The following ARNT2 variants were observed in gnomAD, a reference collection of about 807,000 sequenced individuals.
ARNT2 encodes aryl hydrocarbon receptor nuclear translocator 2.
In ARNT2, 36 loss-of-function variants were observed where a neutral mutation model predicts 91.7. The ratio of observed to expected loss-of-function variants is 0.39; its 90% CI spans 0.30 to 0.52. The LOEUF (loss-of-function observed/expected upper bound fraction) is 0.52, where lower values mean the gene tolerates loss of function less well. Among genes scored for constraint, ARNT2 ranks in the 20% least tolerant of loss-of-function variants. The pLI is 0.72. For synonymous variants in ARNT2, 365 were observed against 347.1 expected (o/e 1.05, Z -0.57); for missense variants, 775 against 939.3 (o/e 0.83, Z 2.29).
rs188921302 is a variant in ARNT2 at position 80,584,572 on chromosome 15, G to A, written c.1918+3168G>A. Among the ~76,000 whole-genome samples the A allele has an allele frequency of 2.0e-3, 306 of 152,336 alleles. 2 individuals are homozygous for A. Among genetic ancestry groups the A allele is most frequent in the African/African-American group, 7.0e-3 (293 of 41,572 alleles). ...AATCGGTGAGTGGAGAAGGAACAGAGCAGTCTGCCCCATTAATGGTCAGTT... is the reference window on the plus strand; with the variant it reads ...AATCGGTGAGTGGAGAAGGAACAGAACAGTCTGCCCCATTAATGGTCAGTT... On this transcript the variant is annotated intron_variant, in intron 17 of 18. Transcript: ENST00000303329.
chr15:80,487,403 G>A (rs113082303), intron 5 of ARNT2, among the ~76,000 whole-genome samples: 54 of 152,330 alleles, frequency 3.5e-4, no homozygotes, highest in East Asian at 1.2e-3. Context: ...GATGGGGCGC[G>A]TGGAGGGGTC....
In ARNT2 at chr15:80,593,911, T is replaced by G; in HGVS notation, c.*213T>G. The stretch of plus-strand genomic sequence containing the variant: ...ACTGACCAGGGGCCCTGGCAGACAT[T>G]AGGGGATCAGTTGTATTTATTGTAT... On this transcript the variant is annotated 3_prime_UTR_variant, in exon 19 of 19. Coordinates refer to ENST00000303329, the MANE Select transcript of ARNT2 (RefSeq NM_014862.4). 1 of 566,508 alleles carries G rather than the reference T, an allele frequency of 1.8e-6. No individual in the cohort carries two copies. 35.1% of individuals were successfully genotyped at this position (566,508 alleles called of 1,614,324 possible).
chr15:80,520,605 A>C (rs892537167), intron 8 of ARNT2, among the ~76,000 whole-genome samples: 3 of 152,314 alleles, frequency 2.0e-5, no homozygotes, highest in Admixed American at 1.3e-4. Flanking sequence ...ACAGACATAC[A>C]AAAGGAAACT....
chr15:80,404,611 ACCAGGCGCGCCGGGCGCC>A lies in ARNT2; in HGVS notation c.31+68_31+85del. 9.9e-7 allele frequency: 1 copy of A among 1,005,128 alleles called. No homozygotes were observed. 62.3% of individuals were successfully genotyped at this position (1,005,128 alleles called of 1,614,324 possible). A position where few individuals can be genotyped will look rare whatever the true frequency, so the allele number is the denominator to read the frequency against. ...CAGGCCTTGCCCGGGGCCGGAGCGG[ACCAGGCGCGCCGGGCGCC>A]CCCGGGGGCGCGGAGCCGCAGCTCG... is the stretch of plus-strand genomic sequence containing the variant. On this transcript the variant is annotated intron_variant, in intron 1 of 18. Transcript: ENST00000303329. This position sits in a 1 kb window ranked among gnomAD's most constrained non-coding sequence, Gnocchi z 5.5.
At chr15:80,448,357 A>G (rs1273072765) in intron 1 of ARNT2, among the ~76,000 whole-genome samples, 3 of 152,236 alleles carry the variant, frequency 2.0e-5, no homozygotes, top group Admixed American at 2.0e-4. Context: ...CTAGACATGA[A>G]ATCAGACAAG....
intron 1 of ARNT2, among the ~76,000 whole-genome samples, chr15:80,410,603 A>G (rs775551421): frequency 6.6e-6 from 1 of 152,156 alleles, no homozygotes; most frequent in Non-Finnish European, 1.5e-5. Flanking sequence ...AAGTTAGTTC[A>G]CAGAACATAG....
At chr15:80,405,113 G>T (rs905902576) in intron 1 of ARNT2, among the ~76,000 whole-genome samples, 20 of 152,302 alleles carry the variant, frequency 1.3e-4, no homozygotes, top group African/African-American at 4.8e-4. Flanking sequence ...GGTCACCAGC[G>T]TGGAGCAGCC....
At chr15:80,454,020 A>G (rs568673414) in intron 2 of ARNT2, among the ~76,000 whole-genome samples, 1 of 152,288 alleles carries the variant, frequency 6.6e-6, no homozygotes, top group Non-Finnish European at 1.5e-5. Flanking sequence ...CGGGCCTAGC[A>G]CTGTGGATCT....
chr15:80,564,700 T>G (rs1365614950), intron 12 of ARNT2, among the ~76,000 whole-genome samples: 1 of 124,306 alleles, frequency 8.0e-6, no homozygotes, highest in Admixed American at 9.3e-5. Context: ...TCTCTAGTAG[T>G]CCTCCCAGTG....
chr15:80,446,705 T>A (rs1567181766), intron 1 of ARNT2, among the ~76,000 whole-genome samples: 1 of 152,234 alleles, frequency 6.6e-6, no homozygotes, highest in Non-Finnish European at 1.5e-5. Context: ...ATAGGGTGGA[T>A]GTAAAGCTTG....
chr15:80,468,206 AT>A (rs1481199373), intron 3 of ARNT2, among the ~76,000 whole-genome samples: 2 of 151,812 alleles, frequency 1.3e-5, no homozygotes, highest in East Asian at 3.9e-4. Context: ...CTGCAGAGTT[AT>A]CCTTTGTGGG....
At chr15:80,581,093 G>T (rs1433179285) in intron 16 of ARNT2, 146 bp from the exon 17 acceptor site, 1 of 978,530 alleles carries the variant, frequency 1.0e-6, no homozygotes, top group Admixed American at 2.3e-5. Flanking sequence ...CTGATCCCAG[G>T]CCTGTGCCTA....
chr15:80,540,913 T>C (rs1897894670), intron 8 of ARNT2, among the ~76,000 whole-genome samples: 1 of 152,160 alleles, frequency 6.6e-6, no homozygotes, highest in African/African-American at 2.4e-5. Context: ...GGCACCTAGA[T>C]TGATTTTATG....
chr15:80,531,956 C>T lies in ARNT2; in HGVS notation c.877+17551C>T, dbSNP rs987848315. The stretch of plus-strand genomic sequence containing the variant: ...AGGACGCCTGCAGCAGGACAGAGCT[C>T]AGCCACAGAAGAAGCCAGCTCGGCA... On this transcript the variant is annotated intron_variant, in intron 8 of 18. Coordinates refer to ENST00000303329, the MANE Select transcript of ARNT2 (RefSeq NM_014862.4). Among the ~76,000 whole-genome samples, 9 of 152,172 alleles carry T rather than the reference C, an allele frequency of 5.9e-5. 1 individual carries two copies. The highest frequency in any genetic ancestry group is 2.6e-4 in the Admixed American group (4 of 15,284).
chr15:80,539,424 A>C (rs188498938), intron 8 of ARNT2, among the ~76,000 whole-genome samples: 1 of 152,282 alleles, frequency 6.6e-6, no homozygotes, highest in Admixed American at 6.5e-5. Context: ...TATCTTTGTA[A>C]ACTAATAATA....
At chr15:80,533,672 T>C (rs1897777440) in intron 8 of ARNT2, among the ~76,000 whole-genome samples, 2 of 152,240 alleles carry the variant, frequency 1.3e-5, no homozygotes, top group Admixed American at 6.5e-5. Context: ...ACAATGAAAT[T>C]CCACAGCTAA....
In ARNT2 at chr15:80,591,773, C is replaced by T; in HGVS notation, c.2055+69C>T. On this transcript the variant is annotated intron_variant, in intron 18 of 18. Coordinates refer to ENST00000303329, the MANE Select transcript of ARNT2 (RefSeq NM_014862.4). This position sits in a 1 kb window ranked among gnomAD's most constrained non-coding sequence, Gnocchi z 5.1. ...CTCTCTGCTTCCTTTCCCCCTCGGT[C>T]TCTGCCGCACCACCGCCTGCCCGAT... 1 of 1,592,354 alleles carries T rather than the reference C, an allele frequency of 6.3e-7. No homozygotes were observed. The highest frequency in any genetic ancestry group is 1.1e-5 in the South Asian group (1 of 88,566).
intron 1 of ARNT2, among the ~76,000 whole-genome samples, chr15:80,410,419 G>A (rs969097470): frequency 6.6e-6 from 1 of 152,174 alleles, no homozygotes; most frequent in Admixed American, 6.5e-5. Context: ...GGCCTGTGGG[G>A]TGTGCTCCAG....
chr15:80,520,603 A>G (rs537059664), intron 8 of ARNT2, among the ~76,000 whole-genome samples: 1 of 152,266 alleles, frequency 6.6e-6, no homozygotes, highest in South Asian at 2.1e-4. Context: ...CAACAGACAT[A>G]CAAAAGGAAA....
Sources: gnomAD v4.1 joint callset for allele counts (sites outside exome capture counted in the v4.1 genomes callset) on GRCh38, gnomAD v4.1.1 for gene constraint, Gnocchi (gnomAD v3.1) non-coding constraint, MANE v1.5 for transcripts, NCBI Gene and HGNC (gene_info 2026-07-23, HGNC 2026-07-21) for gene names.